The following BFSP1 variants were observed in gnomAD, a reference collection of about 807,000 sequenced individuals.
BFSP1 encodes the protein filensin.
BFSP1 carries 38 observed loss-of-function variants against 43.9 expected under a neutral mutation model. That is an observed-to-expected ratio of 0.87 (90% CI 0.67 to 1.14). The LOEUF is 1.14. Among genes scored for constraint, BFSP1 ranks in the 50% most tolerant of loss-of-function variants. The pLI, the probability that BFSP1 is intolerant of heterozygous loss-of-function variation, is 0.00. For missense variants in BFSP1, 850 were observed against 875.1 expected (o/e 0.97, Z 0.36); for synonymous variants, 352 against 354.8 (o/e 0.99, Z 0.09).
intron 1 of BFSP1, among the ~76,000 whole-genome samples, chr20:17,546,718 CAA>C (rs568054055): frequency 1.0e-3 from 156 of 151,576 alleles, no homozygotes; most frequent in African/African-American, 3.6e-3. Flanking sequence ...ACAAAAAAAA[CAA>C]AGAAGAAAGC....
chr20:17,502,538 G>C (rs895974097), intron 5 of BFSP1, among the ~76,000 whole-genome samples: 4 of 152,176 alleles, frequency 2.6e-5, no homozygotes, highest in African/African-American at 7.2e-5. Flanking sequence ...TGGAGCAACT[G>C]GTGAGATTTT....
intron 1 of BFSP1, among the ~76,000 whole-genome samples, chr20:17,568,603 G>C (rs1189920353): frequency 6.6e-6 from 1 of 152,116 alleles, no homozygotes; most frequent in Non-Finnish European, 1.5e-5. Flanking sequence ...ATCTAGCTTT[G>C]AACAACTTTT....
Position 17,495,008 on chromosome 20 carries a change from T to G in BFSP1, c.1064A>C (p.Asp355Ala). ...GGKDLTRALQ[D>A]ITAAKPRQKA... is the part of the protein sequence containing the mutation. ...TTGTCTTGGTTTTGCTGCTGTTATA[T>G]CCTGCAGAGCTCTGGTAAGATCTGG... Residue 355 changes from aspartate (D) to alanine (A), a missense_variant, in exon 8 of 8, where the codon GAT (aspartate) becomes GCT (alanine). Physicochemically the swap from Asp to Ala is moderately radical, Grantham distance 126 (BLOSUM62 -2). Coordinates refer to ENST00000377873, the MANE Select transcript of BFSP1 (RefSeq NM_001195.5). 1 of 1,613,308 alleles carries G rather than the reference T, an allele frequency of 6.2e-7. No homozygotes were observed. Among genetic ancestry groups the G allele is most frequent in the Non-Finnish European group, 8.5e-7 (1 of 1,179,762 alleles).
intron 1 of BFSP1, among the ~76,000 whole-genome samples, chr20:17,564,658 C>T (rs373910349): frequency 3.9e-4 from 59 of 151,440 alleles, no homozygotes; most frequent in Non-Finnish European, 5.2e-4. Context: ...GCGCCATCTT[C>T]GCTCACTGCA....
chr20:17,555,837 T>C (rs1022463389), intron 1 of BFSP1, among the ~76,000 whole-genome samples: 1 of 152,128 alleles, frequency 6.6e-6, no homozygotes, highest in Non-Finnish European at 1.5e-5. Context: ...GATTGTCAAA[T>C]TCATATGAAA....
chr20:17,523,589 G>A lies in BFSP1; in HGVS notation c.438+1259C>T, dbSNP rs145778506. Among the ~76,000 whole-genome samples the A allele has an allele frequency of 7.7e-3, 1,166 of 150,926 alleles. 6 individuals are homozygous for A. The highest frequency in any genetic ancestry group is 0.013 in the Non-Finnish European group (886 of 67,820). Reference sequence around the variant, plus strand: ...TCGTTTTCCAAGCCAACTATTGAGCGTGTGTCCTCAGGGCCTTCCTGAAGT... The same window carrying A: ...TCGTTTTCCAAGCCAACTATTGAGCATGTGTCCTCAGGGCCTTCCTGAAGT... On this transcript the variant is annotated intron_variant, in intron 2 of 7. Transcript: ENST00000377873.
chr20:17,561,217 G>C (rs1404333357), upstream of BFSP1, among the ~76,000 whole-genome samples: 1 of 152,210 alleles, frequency 6.6e-6, no homozygotes, highest in Non-Finnish European at 1.5e-5. Context: ...GTATCATGGA[G>C]GTTGGGCATG....
intron 2 of BFSP1, 85 bp downstream of exon 2, chr20:17,524,763 G>C (rs2034384708): frequency 4.9e-6 from 7 of 1,437,362 alleles, no homozygotes; most frequent in Non-Finnish European, 6.9e-6. Flanking sequence ...GTAACACAAA[G>C]AGGAAGCCTG....
At chr20:17,511,947 G>A (rs747773696) in intron 4 of BFSP1, 29 bp downstream of exon 4, 4 of 1,550,700 alleles carry the variant, frequency 2.6e-6, no homozygotes, top group East Asian at 4.5e-5. Flanking sequence ...CTCCAGGGCT[G>A]GTTTGCCTTT....
At chr20:17,556,666 G>T (rs536518449) in intron 1 of BFSP1, among the ~76,000 whole-genome samples, 16 of 151,944 alleles carry the variant, frequency 1.1e-4, no homozygotes, top group Admixed American at 1.0e-3. Context: ...ATTTGGTGAG[G>T]AGGGAAAGAA....
chr20:17,549,850 T>C (rs892305767), intron 1 of BFSP1, among the ~76,000 whole-genome samples: 1 of 151,894 alleles, frequency 6.6e-6, no homozygotes, highest in African/African-American at 2.4e-5. Flanking sequence ...ATAAATAAAT[T>C]AATTAAATAA....
chr20:17,540,633 C>G (rs1171187460), intron 1 of BFSP1, among the ~76,000 whole-genome samples: 1 of 152,076 alleles, frequency 6.6e-6, no homozygotes, highest in Non-Finnish European at 1.5e-5. Context: ...GAGGATCTCC[C>G]CAGGTGCCCA....
intron 2 of BFSP1, among the ~76,000 whole-genome samples, chr20:17,518,800 C>T (rs1043897998): frequency 6.6e-6 from 1 of 152,152 alleles, no homozygotes; most frequent in Non-Finnish European, 1.5e-5. Context: ...TCAGAGTGAC[C>T]CAGCTCTGAA....
chr20:17,515,692 G>T (rs1234456716), intron 2 of BFSP1, among the ~76,000 whole-genome samples: 10 of 152,044 alleles, frequency 6.6e-5, no homozygotes, highest in Admixed American at 6.6e-4. Flanking sequence ...TGGCATCTTC[G>T]GTGTGATATT....
At chr20:17,526,975 C>T (rs910089037) in intron 1 of BFSP1, among the ~76,000 whole-genome samples, 5 of 152,182 alleles carry the variant, frequency 3.3e-5, no homozygotes, top group Non-Finnish European at 4.4e-5. Flanking sequence ...TTTTCTGTGC[C>T]CTTGCATGCC....
chr20:17,532,617 C>A (rs1406220462), upstream of BFSP1, among the ~76,000 whole-genome samples: 1 of 151,528 alleles, frequency 6.6e-6, no homozygotes, highest in Non-Finnish European at 1.5e-5. Context: ...CCATTATGTT[C>A]CATTTTAATT....
rs16999317 is a variant in BFSP1 at position 17,494,104 on chromosome 20, G to T, written c.1968C>A (p.Asp656Glu). 2.5e-3 allele frequency: 4,004 copies of T among 1,613,652 alleles called. 91 individuals carry two copies. The African/African-American group carries it at 0.047, about 19-fold the overall frequency. Residue 656 changes from aspartate (D) to glutamate (E), a missense_variant, in exon 8 of 8, where the codon GAC becomes GAA. By Grantham distance (45) the Asp-to-Glu change is conservative. Transcript: ENST00000377873. The part of the protein sequence containing the change: ...VETMIGKTKS[D>E]KKKSGEKSS ...AGCTCTTCTCTCCTGATTTCTTCTT[G>T]TCTGACTTTGTCTTTCCAATCATGG...
In BFSP1 at chr20:17,531,070, G is replaced by T; in HGVS notation, c.260C>A (p.Ala87Asp). ...GTTGCTCTCGACTTGGCGGGCGAGGGCGTCCTCGGGCCCGGCCAGCTCGCC... is the reference window on the plus strand; with the variant it reads ...GTTGCTCTCGACTTGGCGGGCGAGGTCGTCCTCGGGCCCGGCCAGCTCGCC... Reference protein sequence around the residue: ...RLGELAGPEDALARQVESNRQ... With the variant: ...RLGELAGPEDDLARQVESNRQ... Residue 87 changes from alanine (A) to aspartate (D), a missense_variant, in exon 1 of 8, where the codon GCC (alanine) becomes GAC (aspartate). Ala to Asp is a moderately radical substitution (Grantham distance 126). Transcript: ENST00000377873. The T allele has an allele frequency of 1.4e-6, 2 of 1,395,416 alleles. No homozygotes were observed. The highest frequency in any genetic ancestry group is 1.9e-6 in the Non-Finnish European group (2 of 1,076,362). 86.4% of individuals were successfully genotyped at this position (1,395,416 alleles called of 1,614,324 possible).
At chr20:17,510,063 C>T (rs2034040323) in intron 4 of BFSP1, among the ~76,000 whole-genome samples, 2 of 152,198 alleles carry the variant, frequency 1.3e-5, no homozygotes, top group African/African-American at 4.8e-5. Flanking sequence ...AGGAAAGTGA[C>T]CGTCTAACTT....
Sources: allele counts gnomAD v4.1 joint callset (sites outside exome capture counted in the v4.1 genomes callset), GRCh38; gene constraint gnomAD v4.1.1; transcripts MANE v1.5; gene names NCBI Gene and HGNC (gene_info 2026-07-23, HGNC 2026-07-21).